ATXN1: variants seen among roughly 807,000 people sequenced by gnomAD.
ATXN1 encodes the protein ataxin-1.
In ATXN1, 8 loss-of-function variants were observed where a neutral mutation model predicts 56.4. The ratio of observed to expected loss-of-function variants is 0.14; its 90% CI spans 0.08 to 0.26. The LOEUF is 0.26. ATXN1 is among the 10% of genes least tolerant of loss of function. The probability of loss-of-function intolerance (pLI) is 1.00; values close to 1 mark genes in which losing one functional copy is unlikely to be tolerated. For synonymous variants in ATXN1, 514 were observed against 494.6 expected, an observed-to-expected ratio of 1.04 and a Z score of -0.52; for missense variants, 987 against 1,106.5, an observed-to-expected ratio of 0.89 and a Z score of 1.53.
intron 4 of ATXN1, among the ~76,000 whole-genome samples, chr6:16,535,152 C>T (rs1250629985): frequency 6.6e-6 from 1 of 152,216 alleles, no homozygotes; most frequent in Non-Finnish European, 1.5e-5. Flanking sequence ...GAAGATTTCA[C>T]AGGGCACTCA....
intron 3 of ATXN1, among the ~76,000 whole-genome samples, chr6:16,609,987 A>T (rs938466849): frequency 2.3e-4 from 35 of 152,246 alleles, no homozygotes; most frequent in Admixed American, 1.2e-3. Flanking sequence ...ATTATTTAAA[A>T]CTACATTCGA....
At position 16,457,520 on chromosome 6, in the gene ATXN1, AT is replaced by A. The variant is rs201703821; in HGVS notation, c.-161+28451del. On this transcript the variant is annotated intron_variant, in intron 6 of 7. Transcript: ENST00000436367. ...GCAAACCCTGAAAAAGAAGCGGCTT[AT>A]TTTTTCTGCACTACGGTCTGGCCTT... Among the ~76,000 whole-genome samples the A allele has an allele frequency of 8.3e-3, 1,258 of 152,088 alleles. 15 individuals are homozygous for A. The highest frequency in any genetic ancestry group is 0.029 in the African/African-American group (1,191 of 41,478).
At chr6:16,475,871 CTT>C (rs56262935) in intron 6 of ATXN1, among the ~76,000 whole-genome samples, 19 of 139,092 alleles carry the variant, frequency 1.4e-4, no homozygotes, top group Admixed American at 2.2e-4. Flanking sequence ...TTAGTCATTA[CTT>C]TTTTTTTTTT....
chr6:16,385,854 A>G (rs1056669156), intron 6 of ATXN1, among the ~76,000 whole-genome samples: 9 of 152,254 alleles, frequency 5.9e-5, no homozygotes, highest in African/African-American at 2.2e-4. Flanking sequence ...AGATAAGTGC[A>G]AACATTTTTC....
rs146958000 is a variant in ATXN1, at chr6:16,382,666, A to C, written c.-160-54196T>G. On this transcript the variant is annotated intron_variant, in intron 6 of 7. Transcript: ENST00000436367. ...ATAACAATGAAGATGCTGACTTTCAACGTCTGTTACTGTAGCCTAGGTAGA... is the reference window on the plus strand; with the variant it reads ...ATAACAATGAAGATGCTGACTTTCACCGTCTGTTACTGTAGCCTAGGTAGA... 3.7e-4 allele frequency among the ~76,000 whole-genome samples: 56 copies of C among 152,218 alleles called. No homozygotes were observed. The East Asian group carries it at 6.8e-3, about 18-fold the overall frequency.
At chr6:16,724,250 C>T (rs922487702) in intron 2 of ATXN1, among the ~76,000 whole-genome samples, 6 of 152,038 alleles carry the variant, frequency 3.9e-5, no homozygotes, top group African/African-American at 9.7e-5. Context: ...ATTACTGGCA[C>T]CAGTCCTTCA....
chr6:16,482,309 A>G (rs1425218008), intron 6 of ATXN1, among the ~76,000 whole-genome samples: 1 of 152,234 alleles, frequency 6.6e-6, no homozygotes, highest in Non-Finnish European at 1.5e-5. Flanking sequence ...CCAGGGAAGA[A>G]TAAGAATGAG....
chr6:16,477,331 G>A (rs1447117200), intron 6 of ATXN1, among the ~76,000 whole-genome samples: 1 of 152,138 alleles, frequency 6.6e-6, no homozygotes, highest in Non-Finnish European at 1.5e-5. Context: ...CTTTGGACAG[G>A]GACTTTAAGA....
intron 6 of ATXN1, among the ~76,000 whole-genome samples, chr6:16,462,637 C>T (rs565578084): frequency 2.0e-5 from 3 of 152,258 alleles, no homozygotes; most frequent in South Asian, 2.1e-4. Flanking sequence ...CCAGCTTTTA[C>T]GCTCTTACAT....
At chr6:16,553,689 T>C (rs991825270) in intron 4 of ATXN1, among the ~76,000 whole-genome samples, 2 of 152,144 alleles carry the variant, frequency 1.3e-5, no homozygotes, top group African/African-American at 2.4e-5. Context: ...CAGTCCAGCA[T>C]GCATACCACT....
intron 7 of ATXN1, among the ~76,000 whole-genome samples, chr6:16,307,671 G>A (rs1197144256): frequency 2.2e-5 from 3 of 134,464 alleles, no homozygotes; most frequent in Non-Finnish European, 3.1e-5. Context: ...GTGAGACTCC[G>A]TCTCAAAAAA....
intron 6 of ATXN1, among the ~76,000 whole-genome samples, chr6:16,480,900 T>A (rs1045710391): frequency 3.3e-5 from 5 of 152,000 alleles, no homozygotes; most frequent in African/African-American, 9.7e-5. Flanking sequence ...CTACGCTTTG[T>A]CAGTTGCCTC....
intron 3 of ATXN1, among the ~76,000 whole-genome samples, chr6:16,657,338 T>C (rs1758227912): frequency 6.6e-6 from 1 of 152,222 alleles, no homozygotes; most frequent in Non-Finnish European, 1.5e-5. Context: ...TGTCGTTGAC[T>C]GAAACTTCAT....
intron 3 of ATXN1, among the ~76,000 whole-genome samples, chr6:16,593,191 G>C (rs1762754546): frequency 6.6e-6 from 1 of 152,156 alleles, no homozygotes; most frequent in South Asian, 2.1e-4. Context: ...ACTCGACCCA[G>C]GAAGTCCAGC....
At chr6:16,665,120 G>A (rs1210478237) in intron 2 of ATXN1, among the ~76,000 whole-genome samples, 1 of 152,186 alleles carries the variant, frequency 6.6e-6, no homozygotes, top group East Asian at 1.9e-4. Flanking sequence ...AGTATGTGGA[G>A]AAGATGTGGC....
intron 6 of ATXN1, among the ~76,000 whole-genome samples, chr6:16,436,308 T>A (rs1759387897): frequency 6.6e-6 from 1 of 152,184 alleles, no homozygotes; most frequent in African/African-American, 2.4e-5. Flanking sequence ...TAAATCAATA[T>A]TTATTGAGCA....
At chr6:16,439,206 A>T (rs1013324923) in intron 6 of ATXN1, among the ~76,000 whole-genome samples, 1 of 151,998 alleles carries the variant, frequency 6.6e-6, no homozygotes, top group Non-Finnish European at 1.5e-5. Context: ...TAGAAAAAGC[A>T]GAGAGTTCCT....
chr6:16,400,103 G>A (rs746878330), intron 6 of ATXN1, among the ~76,000 whole-genome samples: 1 of 152,118 alleles, frequency 6.6e-6, no homozygotes, highest in African/African-American at 2.4e-5. Flanking sequence ...GGGCTTCCTA[G>A]ACACTTGAAA....
chr6:16,613,295 A>AAT (rs1164281280), intron 3 of ATXN1, among the ~76,000 whole-genome samples: 75 of 149,168 alleles, frequency 5.0e-4, no homozygotes, highest in Middle Eastern at 3.5e-3. Flanking sequence ...AAAAAAAAAA[A>AAT]TTATTTTAAA....
Sources: allele counts gnomAD v4.1 joint callset (sites outside exome capture counted in the v4.1 genomes callset), GRCh38; gene constraint gnomAD v4.1.1; transcripts MANE v1.5; gene names NCBI Gene and HGNC (gene_info 2026-07-23, HGNC 2026-07-21).